DMD: variants seen among roughly 807,000 people sequenced by gnomAD.
The protein encoded by DMD is dystrophin.
Under a neutral mutation model 330.1 loss-of-function variants are expected in DMD, and 63 were observed. The observed-to-expected ratio is 0.19, with a 90% CI of 0.16 to 0.24. The LOEUF (loss-of-function observed/expected upper bound fraction) is 0.24, where lower values mean the gene tolerates loss of function less well. Among genes scored for constraint, DMD ranks in the 10% least tolerant of loss-of-function variants. The pLI is 1.00. For missense variants in DMD, 3,344 were observed against 2,684.1 expected, an observed-to-expected ratio of 1.25 and a Z score of -5.43; for synonymous variants, 1,223 against 959.8, an observed-to-expected ratio of 1.27 and a Z score of -5.07.
At chrX:31,789,366 C>T (rs182515055) in intron 50 of DMD, among the ~76,000 whole-genome samples, 1 of 111,496 alleles carries the variant, frequency 9.0e-6, no homozygotes, top group Admixed American at 9.6e-5. Flanking sequence ...GCTTACTTCC[C>T]TAATCCACAT....
rs757689747 is a variant in DMD at position 32,100,391 on chromosome X, G to A, written c.6438+116525C>T. On this transcript the variant is annotated intron_variant, in intron 44 of 78. Transcript: ENST00000357033. Reference sequence around the variant, plus strand: ...TTTTCCCAGATATATATATATATATGTATATATATATATATTAGCTACTAC... The same window carrying A: ...TTTTCCCAGATATATATATATATATATATATATATATATATTAGCTACTAC... 9.1e-3 allele frequency among the ~76,000 whole-genome samples: 891 copies of A among 98,096 alleles called. 11 individuals are homozygous for A. Among genetic ancestry groups the A allele is most frequent in the African/African-American group, 0.031 (772 of 24,545 alleles). The allele number at this position is 98,096 out of a possible 115,157, so 85.2% of individuals were successfully genotyped here.
intron 41 of DMD, among the ~76,000 whole-genome samples, chrX:32,336,308 G>T (rs1029201076): frequency 9.0e-6 from 1 of 111,263 alleles, no homozygotes; most frequent in Non-Finnish European, 1.9e-5. Context: ...GAGCCACCAC[G>T]CCCAGCCAAG....
chrX:33,070,673 CTATATATATATATATATATATA>C (rs59422325), intron 1 of DMD, among the ~76,000 whole-genome samples: 1 of 35,640 alleles, frequency 2.8e-5, no homozygotes, highest in South Asian at 2.8e-3. Context: ...CTCTCTCTCT[CTATATATATATATATATATATA>C]TATATATATA....
intron 51 of DMD, among the ~76,000 whole-genome samples, chrX:31,763,517 C>T (rs2089774773): frequency 9.0e-6 from 1 of 111,549 alleles, no homozygotes; most frequent in Admixed American, 9.5e-5. Context: ...GAGCCGAGAT[C>T]GTGCCACTGC....
intron 15 of DMD, among the ~76,000 whole-genome samples, 200 bp from the exon 16 acceptor site, chrX:32,566,081 AAGAAG>A (rs749339660): frequency 2.3e-4 from 26 of 112,473 alleles, no homozygotes; most frequent in Middle Eastern, 4.6e-3. Flanking sequence ...TTGAAGAGAA[AAGAAG>A]AGAAAAGAAA....
intron 44 of DMD, among the ~76,000 whole-genome samples, chrX:32,097,950 G>C (rs1195388417): frequency 9.0e-6 from 1 of 110,953 alleles, no homozygotes; most frequent in Non-Finnish European, 1.9e-5. Flanking sequence ...TTCAGGCTTT[G>C]CACATCTTCT....
chrX:31,803,848 C>T (rs1010692159), intron 50 of DMD, among the ~76,000 whole-genome samples: 37 of 110,207 alleles, frequency 3.4e-4, no homozygotes, highest in Non-Finnish European at 6.1e-4. Flanking sequence ...TACAGGCATG[C>T]GCCACCATGC....
chrX:32,347,780 A>G (rs1293342138), intron 38 of DMD, among the ~76,000 whole-genome samples: 2 of 111,892 alleles, frequency 1.8e-5, no homozygotes, highest in African/African-American at 6.5e-5. Context: ...TGATGTACAA[A>G]TATTCAAGCC....
At chrX:32,403,698 C>G (rs765721381) in intron 30 of DMD, among the ~76,000 whole-genome samples, 1 of 111,603 alleles carries the variant, frequency 9.0e-6, no homozygotes, top group South Asian at 3.7e-4. Flanking sequence ...ATAGGGGTGG[C>G]CTTTCAATGT....
chrX:32,405,232 G>A (rs1487678377), intron 30 of DMD, among the ~76,000 whole-genome samples: 1 of 111,352 alleles, frequency 9.0e-6, no homozygotes, highest in African/African-American at 3.3e-5. Context: ...ATTGCTCCGG[G>A]GCTCAGCATG....
At chrX:31,804,362 A>C (rs2092214895) in intron 50 of DMD, among the ~76,000 whole-genome samples, 1 of 111,619 alleles carries the variant, frequency 9.0e-6, no homozygotes, top group Non-Finnish European at 1.9e-5. Context: ...TATCACTTGA[A>C]TCTGTCTACT....
intron 2 of DMD, among the ~76,000 whole-genome samples, chrX:32,869,490 A>G (rs189720636): frequency 1.8e-5 from 2 of 110,247 alleles, no homozygotes; most frequent in Admixed American, 1.9e-4. Flanking sequence ...AATGCAAAGA[A>G]GTTAAGAGCC....
intron 1 of DMD, among the ~76,000 whole-genome samples, chrX:33,244,760 T>C (rs892426668): frequency 9.0e-5 from 10 of 111,715 alleles, no homozygotes; most frequent in African/African-American, 2.9e-4. Flanking sequence ...CCAAATGCCA[T>C]AGAAACAAAA....
At chrX:32,085,677 C>A (rs1337255673) in intron 44 of DMD, among the ~76,000 whole-genome samples, 1 of 51,751 alleles carries the variant, frequency 1.9e-5, no homozygotes, top group Admixed American at 2.5e-4. Flanking sequence ...TATATACACA[C>A]GCGTATATAT....
At chrX:33,070,704 T>C (rs2094741514) in intron 1 of DMD, among the ~76,000 whole-genome samples, 1 of 94,460 alleles carries the variant, frequency 1.1e-5, no homozygotes, top group South Asian at 5.3e-4. Context: ...TATATATATA[T>C]ATATATGTTC....
chrX:31,370,098 C>CAAAAAAAAAAAAAAAAA (rs59989996), intron 60 of DMD, among the ~76,000 whole-genome samples: 6 of 59,328 alleles, frequency 1.0e-4, no homozygotes, highest in African/African-American at 3.9e-4. Context: ...GGCTCCGTCT[C>CAAAAAAAAAAAAAAAAA]AAAAAAAAAA....
intron 52 of DMD, among the ~76,000 whole-genome samples, chrX:31,727,328 T>C (rs182046890): frequency 2.7e-5 from 3 of 111,830 alleles, no homozygotes; most frequent in Admixed American, 1.9e-4. Flanking sequence ...ACCCTCAAGG[T>C]TCCAGTATGG....
intron 57 of DMD, among the ~76,000 whole-genome samples, chrX:31,493,321 AAAC>A (rs1226030209): frequency 8.9e-6 from 1 of 112,408 alleles, no homozygotes; most frequent in Non-Finnish European, 1.9e-5. Context: ...ACGTGATGAC[AAAC>A]AACGCTATGT....
chrX:32,360,485 A>G (rs1474773454), intron 37 of DMD, among the ~76,000 whole-genome samples: 1 of 111,378 alleles, frequency 9.0e-6, no homozygotes, highest in African/African-American at 3.3e-5. Flanking sequence ...TTTGTTAATT[A>G]ACATATAATT....
Sources: allele counts gnomAD v4.1 joint callset (sites outside exome capture counted in the v4.1 genomes callset), GRCh38; gene constraint gnomAD v4.1.1; transcripts MANE v1.5; gene names NCBI Gene and HGNC (gene_info 2026-07-23, HGNC 2026-07-21).